TRPV3: variants seen among roughly 807,000 people sequenced by gnomAD.
TRPV3 encodes VRL-3.
Under a neutral mutation model 87.1 loss-of-function variants are expected in TRPV3, and 88 were observed. The ratio of observed to expected loss-of-function variants is 1.01; its 90% CI spans 0.85 to 1.21. TRPV3 has a LOEUF of 1.21. Ranked by LOEUF, TRPV3 falls within the 50% of genes most tolerant of loss-of-function variation. The pLI, the probability that TRPV3 is intolerant of heterozygous loss-of-function variation, is 0.00. For missense variants in TRPV3, 1,054 were observed against 1,030.1 expected, an observed-to-expected ratio of 1.02 and a Z score of -0.32; for synonymous variants, 438 against 423.3, an observed-to-expected ratio of 1.03 and a Z score of -0.43.
rs79151428 is a variant in TRPV3 at position 3,531,286 on chromosome 17, C to T, written c.1066-1083G>A. 5.5e-3 allele frequency among the ~76,000 whole-genome samples: 844 copies of T among 152,270 alleles called. 19 individuals are homozygous for T. In the East Asian group the frequency reaches 0.085, roughly 15 times the overall value. The stretch of plus-strand genomic sequence containing the variant: ...ACATGGACTTCCTAGGACACCAACT[C>T]AAGACCCAAGAGGAAGGGACTGTTG... On this transcript the variant is annotated intron_variant, in intron 8 of 17. Transcript: ENST00000576742.
At chr17:3,555,162 G>A (rs557459240) in intron 1 of TRPV3, among the ~76,000 whole-genome samples, 268 of 150,974 alleles carry the variant, frequency 1.8e-3, no homozygotes, top group African/African-American at 6.2e-3. Context: ...TCCCCAGGTG[G>A]ACCCCTGAAC....
rs2074146210 is a variant in TRPV3 at position 3,513,891 on chromosome 17, G to GCGCACA, written c.*20_*25dup. 2 of 1,595,660 alleles carry GCGCACA rather than the reference G, an allele frequency of 1.3e-6. No homozygotes were observed. ...CCGCCTGCAGCGCCAGACAGCGCAC[G>GCGCACA]CGCACACCAGCTCTGGGTTCCGCTT... On this transcript the variant is annotated 3_prime_UTR_variant, in exon 18 of 18. Transcript: ENST00000576742.
rs749957456 is a variant in TRPV3 at position 3,528,391 on chromosome 17, C to T, written c.1402-265G>A. 2.6e-5 allele frequency among the ~76,000 whole-genome samples: 4 copies of T among 152,260 alleles called. No individual in the cohort carries two copies. Among genetic ancestry groups the T allele is most frequent in the African/African-American group, 4.8e-5 (2 of 41,556 alleles). On this transcript the variant is annotated intron_variant, in intron 10 of 17. Transcript: ENST00000576742. This position sits in a 1 kb window ranked among gnomAD's most constrained non-coding sequence, Gnocchi z 4.2. ...TCACACTCCATTGCAATAGCCTTTC[C>T]GGAACCCATCCATATCCAGGCACTC... is the stretch of plus-strand genomic sequence containing the variant.
chr17:3,528,349 A>G lies in TRPV3; in HGVS notation c.1402-223T>C, dbSNP rs190637179. 2.3e-4 allele frequency among the ~76,000 whole-genome samples: 35 copies of G among 152,238 alleles called. No homozygotes were observed. Among genetic ancestry groups the G allele is most frequent in the Non-Finnish European group, 4.3e-4 (29 of 68,002 alleles). On this transcript the variant is annotated intron_variant, in intron 10 of 17. Transcript: ENST00000576742. This position sits in a 1 kb window ranked among gnomAD's most constrained non-coding sequence, Gnocchi z 4.2. ...ACTCTACAACGAAGAATATCATCCA[A>G]TCCGTGCTAACAACCCTCACACTCC...
At chr17:3,536,822 A>G (rs1216163760) in intron 6 of TRPV3, among the ~76,000 whole-genome samples, 1 of 152,150 alleles carries the variant, frequency 6.6e-6, no homozygotes, top group Non-Finnish European at 1.5e-5. Context: ...GAGAGACACT[A>G]AGCCTGCTGG....
At chr17:3,555,500 C>T (rs1318159104) in intron 1 of TRPV3, among the ~76,000 whole-genome samples, 1 of 152,200 alleles carries the variant, frequency 6.6e-6, no homozygotes, top group Non-Finnish European at 1.5e-5. Context: ...GTGTAACCAG[C>T]TTATGGCTGC....
Position 3,556,059 on chromosome 17 carries a change from C to T in TRPV3, c.-2-1207G>A, listed in dbSNP as rs971138020. Reference sequence around the variant, plus strand: ...GGGCATGGTGGTACATGCCTGTAGTCCCAGCTAGTCGGGAGGCTGAGGCAG... The same window carrying T: ...GGGCATGGTGGTACATGCCTGTAGTTCCAGCTAGTCGGGAGGCTGAGGCAG... On this transcript the variant is annotated intron_variant, in intron 1 of 17. Coordinates refer to ENST00000576742, the MANE Select transcript of TRPV3 (RefSeq NM_145068.4). This position sits in a 1 kb window ranked among gnomAD's most constrained non-coding sequence, Gnocchi z 4.2. Among the ~76,000 whole-genome samples, 7 of 152,028 alleles carry T rather than the reference C, an allele frequency of 4.6e-5. No homozygotes were observed. Among genetic ancestry groups the T allele is most frequent in the Non-Finnish European group, 1.0e-4 (7 of 67,992 alleles).
chr17:3,542,720 G>A (rs752207889), intron 5 of TRPV3, 22 bp from the exon 6 acceptor site: 2 of 1,609,262 alleles, frequency 1.2e-6, no homozygotes, highest in Non-Finnish European at 1.7e-6. Flanking sequence ...GCCATGGGTG[G>A]AGTTACAGGA....
intron 7 of TRPV3, 82 bp from the exon 8 acceptor site, chr17:3,533,019 C>G (rs769875564): frequency 6.6e-7 from 1 of 1,518,788 alleles, no homozygotes. Flanking sequence ...GGGCCCATAT[C>G]CTATCTCAGC....
intron 2 of TRPV3, chr17:3,552,499 A>C (rs893204129): frequency 1.1e-4 from 17 of 152,226 alleles, no homozygotes; most frequent in African/African-American, 3.6e-4. Flanking sequence ...CGGCCTTTTA[A>C]TTTATTCTTT....
At chr17:3,514,046 A>G in intron 17 of TRPV3, 35 bp from the exon 18 acceptor site, 1 of 1,495,282 alleles carries the variant, frequency 6.7e-7, no homozygotes, top group African/African-American at 1.4e-5. Flanking sequence ...TTAGAAATAT[A>G]TCACTCTGCA....
intron 15 of TRPV3, among the ~76,000 whole-genome samples, chr17:3,517,962 G>A (rs1044946688): frequency 6.6e-6 from 1 of 151,922 alleles, no homozygotes; most frequent in Non-Finnish European, 1.5e-5. Context: ...GGGATTACAG[G>A]TGCGTACTAA....
chr17:3,543,298 T>C (rs1282775955), intron 5 of TRPV3, among the ~76,000 whole-genome samples, 176 bp downstream of exon 5: 1 of 152,180 alleles, frequency 6.6e-6, no homozygotes, highest in Non-Finnish European at 1.5e-5. Context: ...GACTCTCACC[T>C]GCCCAAACCC....
At chr17:3,516,694 G>A in intron 15 of TRPV3, 125 bp from the exon 16 acceptor site, 1 of 708,160 alleles carries the variant, frequency 1.4e-6, no homozygotes, top group Non-Finnish European at 2.5e-6. Flanking sequence ...GCAAGGGTTT[G>A]GCTAATCTAC....
At chr17:3,522,820 C>CAAAAAAAA (rs772785322) in intron 13 of TRPV3, among the ~76,000 whole-genome samples, 2 of 64,696 alleles carry the variant, frequency 3.1e-5, no homozygotes, top group East Asian at 4.8e-4. Context: ...CAGTCACAAA[C>CAAAAAAAA]AAAAAAAAAA....
At position 3,518,883 on chromosome 17, in the gene TRPV3, T is replaced by C. The variant is rs2074207894; in HGVS notation, c.1811-33A>G. On this transcript the variant is annotated intron_variant, in intron 14 of 17. Transcript: ENST00000576742. This position sits in a 1 kb window ranked among gnomAD's most constrained non-coding sequence, Gnocchi z 4.3. ...AACATAACAGGGTGCTCTCCTCAGCTCTCTGCCTGGTAATTACTCTACAAG... is the reference window on the plus strand; with the variant it reads ...AACATAACAGGGTGCTCTCCTCAGCCCTCTGCCTGGTAATTACTCTACAAG... The C allele has an allele frequency of 7.5e-6, 12 of 1,593,236 alleles. No homozygotes were observed. The highest frequency in any genetic ancestry group is 1.0e-5 in the Non-Finnish European group (12 of 1,168,736).
chr17:3,539,861 T>C (rs1223916030), intron 6 of TRPV3, among the ~76,000 whole-genome samples: 1 of 152,040 alleles, frequency 6.6e-6, no homozygotes, highest in East Asian at 1.9e-4. Context: ...ATGAATAAAG[T>C]TGTGATTGGT....
chr17:3,553,685 C>T (rs2074599579), intron 2 of TRPV3: 1 of 152,478 alleles, frequency 6.6e-6, no homozygotes, highest in Admixed American at 6.5e-5. Context: ...GTTCACCTCT[C>T]TGTGGTCACT....
chr17:3,520,427 T>C (rs1268473549), intron 14 of TRPV3, among the ~76,000 whole-genome samples: 2 of 152,134 alleles, frequency 1.3e-5, no homozygotes, highest in Non-Finnish European at 2.9e-5. Context: ...AGACCATCAG[T>C]TGAGTTTCTG....
Sources: gnomAD v4.1 joint callset for allele counts (sites outside exome capture counted in the v4.1 genomes callset) on GRCh38, gnomAD v4.1.1 for gene constraint, Gnocchi (gnomAD v3.1) non-coding constraint, MANE v1.5 for transcripts, NCBI Gene and HGNC (gene_info 2026-07-23, HGNC 2026-07-21) for gene names.